Variants in WRN observed in about 807,000 individuals in gnomAD.
WRN encodes the protein WRN RecQ like helicase.
Under a neutral mutation model 180.7 loss-of-function variants are expected in WRN, and 149 were observed. The observed-to-expected ratio is 0.82, with a 90% CI of 0.72 to 0.94. The LOEUF is 0.94. WRN is among the 40% of genes least tolerant of loss of function. WRN has a pLI of 0.00. For synonymous variants in WRN, 548 were observed against 568.9 expected, an observed-to-expected ratio of 0.96 and a Z score of 0.52; for missense variants, 1,661 against 1,700.1, an observed-to-expected ratio of 0.98 and a Z score of 0.40.
chr8:31,087,937 G>A lies in WRN; in HGVS notation c.1576+17G>A, dbSNP rs1813601789. 1.2e-6 allele frequency: 2 copies of A among 1,609,638 alleles called. No individual in the cohort carries two copies. Among genetic ancestry groups the A allele is most frequent in the Non-Finnish European group, 1.7e-6 (2 of 1,177,686 alleles). On this transcript the variant is annotated intron_variant, in intron 12 of 34. Coordinates refer to ENST00000298139, the MANE Select transcript of WRN (RefSeq NM_000553.6). ...ATGATAAGGGTAAGCACTGAAGTATGTTTGAAATGACTCACCTGTGATACC... is the reference window on the plus strand; with the variant it reads ...ATGATAAGGGTAAGCACTGAAGTATATTTGAAATGACTCACCTGTGATACC...
intron 26 of WRN, among the ~76,000 whole-genome samples, chr8:31,142,034 C>T (rs772383542): frequency 4.0e-5 from 6 of 151,892 alleles, no homozygotes; most frequent in South Asian, 2.1e-4. Flanking sequence ...ACTGCAGCCT[C>T]GATCTCGTGG....
chr8:31,144,819 C>G (rs1802797411), intron 28 of WRN, among the ~76,000 whole-genome samples: 1 of 152,164 alleles, frequency 6.6e-6, no homozygotes, highest in Non-Finnish European at 1.5e-5. Context: ...AAAAATGCTA[C>G]CCCAGTGAAT....
In WRN at chr8:31,051,448, A is replaced by AT. The variant is rs1274829732; in HGVS notation, c.-76-6922dup. On this transcript the variant is annotated intron_variant, in intron 1 of 34. Transcript: ENST00000298139. ...ATGTAATTGGTCTTAATTTTTCTAA[A>AT]TTCGTTCTAACCAAAATCTTATTGG... is the stretch of plus-strand genomic sequence containing the variant. Among the ~76,000 whole-genome samples, 7 of 152,170 alleles carry AT rather than the reference A, an allele frequency of 4.6e-5. 1 individual carries two copies. The highest frequency in any genetic ancestry group is 1.7e-4 in the African/African-American group (7 of 41,452).
At chr8:31,127,670 G>C (rs758141515) in intron 23 of WRN, among the ~76,000 whole-genome samples, 1 of 152,202 alleles carries the variant, frequency 6.6e-6, no homozygotes, top group South Asian at 2.1e-4. Context: ...TTAGCACTTT[G>C]GGAGGCTGAG....
At chr8:31,086,064 A>G (rs996394438) in intron 11 of WRN, among the ~76,000 whole-genome samples, 2 of 152,096 alleles carry the variant, frequency 1.3e-5, no homozygotes, top group Non-Finnish European at 2.9e-5. Flanking sequence ...CTTTACCTCT[A>G]ATTTCTTTGT....
intron 1 of WRN, among the ~76,000 whole-genome samples, chr8:31,041,407 T>G (rs535238671): frequency 6.6e-6 from 1 of 152,310 alleles, no homozygotes; most frequent in African/African-American, 2.4e-5. Flanking sequence ...GCAATCTGCT[T>G]TACTCAGTCT....
intron 8 of WRN, among the ~76,000 whole-genome samples, chr8:31,078,301 A>G (rs1421539159): frequency 1.3e-5 from 2 of 152,208 alleles, no homozygotes; most frequent in Admixed American, 1.3e-4. Flanking sequence ...TAACAAGTCT[A>G]CAGTAATACC....
chr8:31,109,908 T>C (rs557010896), intron 18 of WRN, among the ~76,000 whole-genome samples: 8 of 152,202 alleles, frequency 5.3e-5, no homozygotes, highest in Admixed American at 2.0e-4. Context: ...TTCTTAAATA[T>C]ATGTCATGTT....
rs573264962 is a variant in WRN at position 31,093,396 on chromosome 8, T to C, written c.1898+1498T>C. 1.1e-4 allele frequency among the ~76,000 whole-genome samples: 16 copies of C among 152,304 alleles called. No homozygotes were observed. In the South Asian group the frequency reaches 3.3e-3, roughly 32 times the overall value. ...GATTACAGGCGTGAACCACCGCACC[T>C]GATGCAGTTGTTGTTGTTGTTGTTG... On this transcript the variant is annotated intron_variant, in intron 16 of 34. Transcript: ENST00000298139.
At position 31,081,248 on chromosome 8, in the gene WRN, G is replaced by A. The variant is rs758386387; in HGVS notation, c.1221G>A (p.Gln407=). ...AACATGAACTCCAAATTTTGGAACA[G>A]CAGTCTCAGGAAGAATATCTTAGTG... The part of the protein sequence containing the change: ...ITEHELQILE[Q]QSQEEYLSDI... The change falls in exon 9 of 35, where the codon CAG becomes CAA. Residue 407 remains glutamine, a synonymous_variant. Transcript: ENST00000298139. The A allele has an allele frequency of 4.3e-6, 7 of 1,612,830 alleles. No homozygotes were observed. In the Admixed American group the frequency reaches 8.3e-5, roughly 19 times the overall value.
intron 1 of WRN, among the ~76,000 whole-genome samples, chr8:31,047,823 G>A (rs1200970423): frequency 6.6e-6 from 1 of 152,134 alleles, no homozygotes; most frequent in Non-Finnish European, 1.5e-5. Flanking sequence ...GAGAACAGAG[G>A]AAATTCATTA....
intron 27 of WRN, among the ~76,000 whole-genome samples, chr8:31,143,024 G>GACACACACACACAC (rs10529735): frequency 9.5e-5 from 13 of 136,608 alleles, no homozygotes; most frequent in Admixed American, 3.8e-4. Context: ...TCTTATTAAA[G>GACACACACACACAC]ACACACACAC....
At chr8:31,063,718 T>G (rs1812583991) in intron 3 of WRN, among the ~76,000 whole-genome samples, 1 of 152,176 alleles carries the variant, frequency 6.6e-6, no homozygotes, top group Admixed American at 6.5e-5. Context: ...TTTTAAAATT[T>G]ATTTTTTATT....
At chr8:31,034,080 T>C (rs918808148) in intron 1 of WRN, 107 bp downstream of exon 1, 2 of 152,284 alleles carry the variant, frequency 1.3e-5, no homozygotes, top group African/African-American at 4.8e-5. Flanking sequence ...AGCAGGCCCC[T>C]GGGCTGTGTT....
At chr8:31,091,155 A>G (rs565826914) in intron 15 of WRN, among the ~76,000 whole-genome samples, 148 of 152,242 alleles carry the variant, frequency 9.7e-4, no homozygotes, top group African/African-American at 3.2e-3. Flanking sequence ...GGCCCTGATA[A>G]AATTTTTTTA....
At chr8:31,038,793 G>A (rs1313186089) in intron 1 of WRN, among the ~76,000 whole-genome samples, 3 of 152,070 alleles carry the variant, frequency 2.0e-5, no homozygotes, top group Non-Finnish European at 2.9e-5. Flanking sequence ...TTTTCCATAT[G>A]GAGATCCAGT....
intron 5 of WRN, 66 bp downstream of exon 5, chr8:31,065,129 T>C: frequency 6.6e-7 from 1 of 1,520,480 alleles, no homozygotes; most frequent in Non-Finnish European, 9.0e-7. Context: ...ATGTACTTTC[T>C]ATCTGAATGT....
intron 8 of WRN, among the ~76,000 whole-genome samples, chr8:31,078,764 C>T (rs1049719610): frequency 1.3e-5 from 2 of 152,126 alleles, no homozygotes; most frequent in Non-Finnish European, 2.9e-5. Context: ...TGTCTGCAGG[C>T]TACTAATATG....
At chr8:31,081,367 CAGAT>C (rs1204314923) in intron 9 of WRN, 71 bp downstream of exon 9, 1 of 1,507,224 alleles carries the variant, frequency 6.6e-7, no homozygotes, top group Non-Finnish European at 9.1e-7. Flanking sequence ...CGTAAAGAGA[CAGAT>C]AGTAAATATT....
Sources: gnomAD v4.1 joint callset for allele counts (sites outside exome capture counted in the v4.1 genomes callset) on GRCh38, gnomAD v4.1.1 for gene constraint, MANE v1.5 for transcripts, NCBI Gene and HGNC (gene_info 2026-07-23, HGNC 2026-07-21) for gene names.